CX3CR1: variants seen among roughly 807,000 people sequenced by gnomAD.
CX3CR1 encodes the protein C-X3-C motif chemokine receptor 1, also known as CX3C chemokine receptor 1.
For synonymous variants in CX3CR1, 168 were observed against 178.5 expected, an observed-to-expected ratio of 0.94 and a Z score of 0.47; for missense variants, 363 against 432.4, an observed-to-expected ratio of 0.84 and a Z score of 1.42.
upstream of CX3CR1, among the ~76,000 whole-genome samples, chr3:39,283,480 G>T (rs1005593626): frequency 6.6e-6 from 1 of 151,890 alleles, no homozygotes; most frequent in African/African-American, 2.4e-5. Flanking sequence ...GTAGGGGGAG[G>T]TGAGTAAGAA....
At chr3:39,274,744 C>A (rs971787012) in intron 1 of CX3CR1, among the ~76,000 whole-genome samples, 3 of 152,038 alleles carry the variant, frequency 2.0e-5, no homozygotes, top group African/African-American at 4.8e-5. Context: ...TTTTGAGCAT[C>A]TGTACCATAT....
chr3:39,265,633 A>G lies in CX3CR1; in HGVS notation c.877T>C (p.Tyr293His), dbSNP rs1023776134. Reference sequence around the variant, plus strand: ...CTGAACTTCTCCCCAGCAAATGCATAGATGAGAGGATTCAGGCAACAATGG... The same window carrying G: ...CTGAACTTCTCCCCAGCAAATGCATGGATGAGAGGATTCAGGCAACAATGG... ...FSHCCLNPLI[Y>H]AFAGEKFRRY... The change falls in exon 2 of 2, where the codon TAT becomes CAT. Residue 293 changes from tyrosine (Y) to histidine (H), a missense_variant. By Grantham distance (83) the Tyr-to-His change is moderately conservative. Transcript: ENST00000399220. 1.2e-6 allele frequency: 2 copies of G among 1,614,246 alleles called. No homozygotes were observed. The highest frequency in any genetic ancestry group is 1.7e-6 in the Non-Finnish European group (2 of 1,180,036).
chr3:39,285,614 A>C (rs1454921413), upstream of CX3CR1, among the ~76,000 whole-genome samples: 2 of 152,242 alleles, frequency 1.3e-5, no homozygotes, highest in African/African-American at 4.8e-5. Flanking sequence ...TTTTTTAGGC[A>C]TCATTCAACT....
chr3:39,268,698 C>T (rs1437522635), intron 1 of CX3CR1, among the ~76,000 whole-genome samples: 2 of 152,194 alleles, frequency 1.3e-5, no homozygotes, highest in African/African-American at 4.8e-5. Context: ...GACTCGGGCA[C>T]TCCCGAGATT....
chr3:39,277,919 G>A (rs2040857919), intron 1 of CX3CR1, among the ~76,000 whole-genome samples: 1 of 152,196 alleles, frequency 6.6e-6, no homozygotes, highest in African/African-American at 2.4e-5. Flanking sequence ...TCAAAGATGG[G>A]TCAGGCAGTG....
At chr3:39,284,734 T>G (rs1337634229), upstream of CX3CR1, among the ~76,000 whole-genome samples, 3 of 152,082 alleles carry the variant, frequency 2.0e-5, no homozygotes, top group Non-Finnish European at 2.9e-5. Flanking sequence ...GATGATGAAA[T>G]GGGGAGAAAA....
At chr3:39,268,649 T>A (rs2040734048) in intron 1 of CX3CR1, among the ~76,000 whole-genome samples, 2 of 152,222 alleles carry the variant, frequency 1.3e-5, no homozygotes, top group African/African-American at 4.8e-5. Flanking sequence ...CATCTCTTTA[T>A]GTGCCTGTGG....
At chr3:39,292,121 C>T in the CX3CR1 span, among the ~76,000 whole-genome samples, 3 of 152,238 alleles carry the variant, frequency 2.0e-5, no homozygotes, top group East Asian at 5.8e-4. Flanking sequence ...AGAGCAAGTG[C>T]CAGGGATTGA....
At chr3:39,287,255 T>A in the CX3CR1 span, 1 of 152,234 alleles carries the variant, frequency 6.6e-6, no homozygotes, top group Non-Finnish European at 1.5e-5. Context: ...TCTATATAAA[T>A]CACACTCACA....
intron 1 of CX3CR1, among the ~76,000 whole-genome samples, chr3:39,268,700 C>G (rs572956360): frequency 3.5e-4 from 53 of 152,268 alleles, no homozygotes; most frequent in Non-Finnish European, 5.6e-4. Context: ...CTCGGGCACT[C>G]CCGAGATTGA....
chr3:39,292,195 G>A, the CX3CR1 span, among the ~76,000 whole-genome samples: 1 of 152,214 alleles, frequency 6.6e-6, no homozygotes, highest in East Asian at 1.9e-4. Context: ...CCTCAGCCCG[G>A]CAGCCTGAGA....
chr3:39,276,103 A>T (rs2040837519), intron 1 of CX3CR1, among the ~76,000 whole-genome samples: 1 of 152,178 alleles, frequency 6.6e-6, no homozygotes, highest in Admixed American at 6.5e-5. Context: ...TAGGAACAGA[A>T]GGCAGTGAAG....
chr3:39,269,472 C>T (rs919817227), intron 1 of CX3CR1, among the ~76,000 whole-genome samples: 1 of 152,166 alleles, frequency 6.6e-6, no homozygotes, highest in Non-Finnish European at 1.5e-5. Context: ...GGCTTGTCTT[C>T]TCAATGGGGA....
At chr3:39,282,261 G>T (rs1316470217), upstream of CX3CR1, among the ~76,000 whole-genome samples, 1 of 152,102 alleles carries the variant, frequency 6.6e-6, no homozygotes, top group Non-Finnish European at 1.5e-5. Flanking sequence ...CTCTGTAAAG[G>T]AGTCTCTGGC....
intron 1 of CX3CR1, among the ~76,000 whole-genome samples, chr3:39,275,515 A>T (rs543894326): frequency 1.6e-3 from 237 of 152,338 alleles, no homozygotes; most frequent in African/African-American, 5.1e-3. Context: ...AAGACCTCTT[A>T]CTTGAGGAAC....
At chr3:39,280,558 G>A (rs2125557322), upstream of CX3CR1, 2 of 798,874 alleles carry the variant, frequency 2.5e-6, no homozygotes, top group Non-Finnish European at 3.0e-6. Context: ...TACTAAGTTT[G>A]AGAAGCTTTG....
At chr3:39,291,524 T>C in the CX3CR1 span, among the ~76,000 whole-genome samples, 1 of 152,206 alleles carries the variant, frequency 6.6e-6, no homozygotes, top group African/African-American at 2.4e-5. Flanking sequence ...AGATCACAGG[T>C]TGTTCTTGGG....
At chr3:39,268,724 C>G (rs1373707680) in intron 1 of CX3CR1, among the ~76,000 whole-genome samples, 2 of 152,194 alleles carry the variant, frequency 1.3e-5, no homozygotes, top group African/African-American at 4.8e-5. Flanking sequence ...CTGCATCTGT[C>G]CTCTCTGGCT....
In CX3CR1 at chr3:39,276,647, A is replaced by G. The variant is rs55734902; in HGVS notation, c.-10+3307T>C. 3.6e-3 allele frequency among the ~76,000 whole-genome samples: 550 copies of G among 152,352 alleles called. 4 individuals carry two copies. Among genetic ancestry groups the G allele is most frequent in the African/African-American group, 0.013 (520 of 41,586 alleles). ...TGCCATTTCTACTGCTAATGCACAC[A>G]TAGGTGGCTTTCAGTTTGTTGCTAG... On this transcript the variant is annotated intron_variant, in intron 1 of 1. Coordinates refer to ENST00000399220, the MANE Select transcript of CX3CR1 (RefSeq NM_001337.4).
Sources: gnomAD v4.1 joint callset for allele counts (sites outside exome capture counted in the v4.1 genomes callset) on GRCh38, gnomAD v4.1.1 for gene constraint, MANE v1.5 for transcripts, NCBI Gene and HGNC (gene_info 2026-07-23, HGNC 2026-07-21) for gene names.